The following MID1 variants were observed in gnomAD, a reference collection of about 807,000 sequenced individuals.
MID1 encodes the protein E3 ubiquitin-protein ligase Midline-1.
In MID1, 7 loss-of-function variants were observed where a neutral mutation model predicts 40.4. The ratio of observed to expected loss-of-function variants is 0.17; its 90% CI spans 0.10 to 0.33. The LOEUF is 0.33. MID1 is among the 10% of genes least tolerant of loss of function. The pLI, the probability that MID1 is intolerant of heterozygous loss-of-function variation, is 1.00. For synonymous variants in MID1, 229 were observed against 221.2 expected (o/e 1.04, Z -0.31); for missense variants, 367 against 558.5 (o/e 0.66, Z 3.46).
intron 1 of MID1, among the ~76,000 whole-genome samples, chrX:10,662,172 C>T (rs1286562394): frequency 2.7e-5 from 3 of 111,059 alleles, no homozygotes; most frequent in South Asian, 3.8e-4. Context: ...GGCATGGTGG[C>T]GCATGCCTGT....
At chrX:10,678,187 C>A (rs1240693204) in intron 1 of MID1, among the ~76,000 whole-genome samples, 2 of 111,598 alleles carry the variant, frequency 1.8e-5, no homozygotes, top group Non-Finnish European at 3.8e-5. Flanking sequence ...TAAGCAACTA[C>A]AAAAATACTT....
At position 10,763,811 on chromosome X, in the gene MID1, A is replaced by G. The variant is rs751431378; in HGVS notation, c.-187+69743T>C. ...TGTAAAAGTGTTCCTATTTCTCCAC[A>G]TCCTCTCCAGCACCTGTTGTTTCCT... On this transcript the variant is annotated intron_variant, in intron 1 of 10. Transcript: ENST00000380785. Among the ~76,000 whole-genome samples the G allele has an allele frequency of 5.5e-3, 615 of 111,653 alleles. 2 individuals are homozygous for G. The highest frequency in any genetic ancestry group is 7.5e-3 in the Non-Finnish European group (401 of 53,150).
intron 1 of MID1, among the ~76,000 whole-genome samples, chrX:10,824,849 C>T: frequency 9.0e-6 from 1 of 110,649 alleles, no homozygotes; most frequent in East Asian, 2.8e-4. Context: ...AATCTGGGTG[C>T]ATACAGTAAA....
At chrX:10,748,742 C>T (rs148353305) in intron 1 of MID1, among the ~76,000 whole-genome samples, 19 of 111,849 alleles carry the variant, frequency 1.7e-4, no homozygotes, top group African/African-American at 5.9e-4. Context: ...ATAACTTAAT[C>T]TACTGTGTGC....
At chrX:10,516,842 T>C (rs749067362) in intron 3 of MID1, among the ~76,000 whole-genome samples, 1 of 110,548 alleles carries the variant, frequency 9.0e-6, no homozygotes, top group African/African-American at 3.3e-5. Context: ...TATTGAATCC[T>C]TGGGCTCAAG....
At chrX:10,787,932 C>A (rs1011757778) in intron 1 of MID1, among the ~76,000 whole-genome samples, 1 of 110,809 alleles carries the variant, frequency 9.0e-6, no homozygotes, top group Non-Finnish European at 1.9e-5. Flanking sequence ...AGAATTTGCC[C>A]TTTACATTCA....
intron 1 of MID1, among the ~76,000 whole-genome samples, chrX:10,663,793 T>C (rs748212696): frequency 8.9e-6 from 1 of 112,223 alleles, no homozygotes; most frequent in African/African-American, 3.2e-5. Context: ...AAGAAGGCCA[T>C]GGGAATGTGA....
At chrX:10,716,012 C>G (rs1271699253) in intron 1 of MID1, among the ~76,000 whole-genome samples, 3 of 111,910 alleles carry the variant, frequency 2.7e-5, no homozygotes, top group African/African-American at 9.8e-5. Context: ...AACTAACAAA[C>G]AGAAAGGACA....
At chrX:10,637,830 T>G (rs1936137389) in intron 1 of MID1, among the ~76,000 whole-genome samples, 1 of 111,604 alleles carries the variant, frequency 9.0e-6, no homozygotes. Context: ...ACAGATGAAC[T>G]TCTTAGTCTG....
chrX:10,649,143 T>A (rs1272388776), intron 1 of MID1, among the ~76,000 whole-genome samples: 1 of 111,721 alleles, frequency 9.0e-6, no homozygotes, highest in East Asian at 2.8e-4. Flanking sequence ...TTTACAAAAA[T>A]CTATAGGCAA....
At chrX:10,698,731 G>GAA (rs777771037) in intron 1 of MID1, among the ~76,000 whole-genome samples, 4 of 67,632 alleles carry the variant, frequency 5.9e-5, no homozygotes, top group East Asian at 5.4e-4. Context: ...AGAAGAAAAA[G>GAA]AAAAAAAAAA....
At chrX:10,669,148 A>G (rs377650638) in intron 1 of MID1, among the ~76,000 whole-genome samples, 1,815 of 102,390 alleles carry the variant, frequency 0.018, 27 homozygotes, top group African/African-American at 0.035. Context: ...GAACCCGGGA[A>G]GCGGAGCTTG....
At chrX:10,481,597 G>A (rs373365184) in intron 5 of MID1, among the ~76,000 whole-genome samples, 13 of 110,634 alleles carry the variant, frequency 1.2e-4, no homozygotes, top group African/African-American at 3.9e-4. Context: ...CTGCCACCAC[G>A]CCTAGCTAAT....
At chrX:10,604,564 C>T (rs1273440813) in intron 1 of MID1, among the ~76,000 whole-genome samples, 1 of 111,633 alleles carries the variant, frequency 9.0e-6, no homozygotes, top group Non-Finnish European at 1.9e-5. Context: ...TTTTAGAAGG[C>T]TTTGTTGTCA....
chrX:10,621,878 T>C (rs1270823978), upstream of MID1, among the ~76,000 whole-genome samples: 3 of 105,667 alleles, frequency 2.8e-5, no homozygotes, highest in African/African-American at 7.0e-5. Context: ...GGCAGGATAA[T>C]TCTTTGTCGT....
At chrX:10,600,420 A>C (rs1935498631) in intron 1 of MID1, among the ~76,000 whole-genome samples, 1 of 111,708 alleles carries the variant, frequency 9.0e-6, no homozygotes, top group Non-Finnish European at 1.9e-5. Context: ...CTAATTAATA[A>C]ATCTTAATAC....
At chrX:10,782,108 A>G (rs1438711933) in intron 1 of MID1, among the ~76,000 whole-genome samples, 1 of 112,354 alleles carries the variant, frequency 8.9e-6, no homozygotes, top group Non-Finnish European at 1.9e-5. Flanking sequence ...TCTGCATCTC[A>G]GCGTAAAGTG....
intron 1 of MID1, among the ~76,000 whole-genome samples, chrX:10,740,127 AT>A (rs373774328): frequency 0.062 from 6,898 of 111,320 alleles, 536 homozygotes; most frequent in African/African-American, 0.21. Context: ...GCACCATCAC[AT>A]TTTTTTTTCT....
chrX:10,752,778 T>C (rs191044502), intron 1 of MID1, among the ~76,000 whole-genome samples: 28 of 112,180 alleles, frequency 2.5e-4, no homozygotes, highest in Middle Eastern at 9.2e-3. Flanking sequence ...GACCCTACTA[T>C]GGTTTTCTCT....
Sources: allele counts gnomAD v4.1 joint callset (sites outside exome capture counted in the v4.1 genomes callset), GRCh38; gene constraint gnomAD v4.1.1; transcripts MANE v1.5; gene names NCBI Gene and HGNC (gene_info 2026-07-23, HGNC 2026-07-21).